MYCN: variants seen among roughly 807,000 people sequenced by gnomAD.
MYCN encodes the protein N-myc proto-oncogene protein.
MYCN carries 3 observed loss-of-function variants against 28.1 expected under a neutral mutation model. That is an observed-to-expected ratio of 0.11 (90% CI 0.05 to 0.28). The LOEUF is 0.28. Among genes scored for constraint, MYCN ranks in the 10% least tolerant of loss-of-function variants. The pLI is 1.00. For missense variants in MYCN, 572 were observed against 651.4 expected (o/e 0.88, Z 1.33); for synonymous variants, 326 against 288.3 (o/e 1.13, Z -1.32).
Position 15,942,926 on chromosome 2 carries a change from C to G in MYCN, c.790+72C>G. 2 of 1,504,140 alleles carry G rather than the reference C, an allele frequency of 1.3e-6. No individual in the cohort carries two copies. The highest frequency in any genetic ancestry group is 2.6e-5 in the East Asian group (1 of 39,100). The allele number at this position is 1,504,140 out of a possible 1,614,324, so 93.2% of individuals were successfully genotyped here. A position where few individuals can be genotyped will look rare whatever the true frequency, so the allele number is the denominator to read the frequency against. On this transcript the variant is annotated intron_variant, in intron 2 of 2. Coordinates refer to ENST00000281043, the MANE Select transcript of MYCN (RefSeq NM_005378.6). The surrounding 1 kb of genome is among the most constrained non-coding windows in gnomAD (Gnocchi z 7.0). ...CCGGGTCGCGTCCCCTTTGTTAGTGCTCGTATGTCTTGGCCTGGGGAGCAT... is the reference window on the plus strand; with the variant it reads ...CCGGGTCGCGTCCCCTTTGTTAGTGGTCGTATGTCTTGGCCTGGGGAGCAT...
intron 2 of MYCN, among the ~76,000 whole-genome samples, chr2:15,943,882 C>T (rs1036332021): frequency 6.6e-6 from 1 of 152,138 alleles, no homozygotes; most frequent in African/African-American, 2.4e-5. Flanking sequence ...CAGAACTCAA[C>T]CCAAAGAGTG....
At position 15,945,371 on chromosome 2, in the gene MYCN, A is replaced by G. The variant is rs554520137; in HGVS notation, c.791-122A>G. 1.1e-4 allele frequency: 134 copies of G among 1,172,188 alleles called. 1 individual carries two copies. The East Asian group carries it at 3.4e-3, about 30-fold the overall frequency. 72.6% of individuals were successfully genotyped at this position (1,172,188 alleles called of 1,614,324 possible). On this transcript the variant is annotated intron_variant, in intron 2 of 2. Transcript: ENST00000281043. This position sits in a 1 kb window ranked among gnomAD's most constrained non-coding sequence, Gnocchi z 4.8. ...TCCACATCTATGTTGATGGACCCAT[A>G]AAAATAGCAGTCTGCCAGGGTCTGC...
intron 1 of MYCN, chr2:15,940,963 G>A (rs1662632754): frequency 2.5e-6 from 1 of 393,640 alleles, no homozygotes. Context: ...TAATCCTTTT[G>A]CAGCCCTTAC....
chr2:15,942,368 C>A lies in MYCN; in HGVS notation c.304C>A (p.Leu102Met), dbSNP rs1258697242. 6.2e-7 allele frequency: 1 copy of A among 1,606,956 alleles called. No homozygotes were observed. Among genetic ancestry groups the A allele is most frequent in the Non-Finnish European group, 8.5e-7 (1 of 1,177,960 alleles). The change falls in exon 2 of 3, where the codon CTG becomes ATG. Residue 102 changes from leucine (L) to methionine (M), a missense_variant. Physicochemically the swap from Leu to Met is conservative, Grantham distance 15. Around this residue, in one of 3 missense-constraint regions of MYCN, gnomAD observed 499 missense variants for 524.3 expected, o/e 0.95. Transcript: ENST00000281043. The surrounding 1 kb of genome is among the most constrained non-coding windows in gnomAD (Gnocchi z 7.0). ...AEEDAFGLGG[L>M]GGLTPNPVIL... ...GGAGGACGCGTTCGGCCTGGGGGGACTGGGTGGCCTCACCCCCAACCCGGT... is the reference window on the plus strand; with the variant it reads ...GGAGGACGCGTTCGGCCTGGGGGGAATGGGTGGCCTCACCCCCAACCCGGT...
In MYCN at chr2:15,942,284, C is replaced by T. The variant is rs1378167054; in HGVS notation, c.220C>T (p.Pro74Ser). 1.1e-5 allele frequency: 17 copies of T among 1,611,118 alleles called. 1 individual carries two copies. Among genetic ancestry groups the T allele is most frequent in the Non-Finnish European group, 1.1e-5 (13 of 1,179,190 alleles). ...TGGCTTCGCGGAGCACAGCTCCGAGCCCCCGAGCTGGGTCACGGAGATGCT... is the reference window on the plus strand; with the variant it reads ...TGGCTTCGCGGAGCACAGCTCCGAGTCCCCGAGCTGGGTCACGGAGATGCT... ...SRGFAEHSSE[P>S]PSWVTEMLLE... Residue 74 changes from proline (P) to serine (S), a missense_variant, in exon 2 of 3, where the codon CCC (proline) becomes TCC (serine). Coordinates refer to ENST00000281043, the MANE Select transcript of MYCN (RefSeq NM_005378.6). This position sits in a 1 kb window ranked among gnomAD's most constrained non-coding sequence, Gnocchi z 7.0.
Position 15,941,956 on chromosome 2 carries a change from G to A in MYCN, c.-109G>A. The A allele has an allele frequency of 7.1e-7, 1 of 1,407,376 alleles. No individual in the cohort carries two copies. 87.2% of individuals were successfully genotyped at this position (1,407,376 alleles called of 1,614,324 possible). A position where few individuals can be genotyped will look rare whatever the true frequency, so the allele number is the denominator to read the frequency against. On this transcript the variant is annotated 5_prime_UTR_variant, in exon 2 of 3. Coordinates refer to ENST00000281043, the MANE Select transcript of MYCN (RefSeq NM_005378.6). This position sits in a 1 kb window ranked among gnomAD's most constrained non-coding sequence, Gnocchi z 4.8. ...GTGTCTGTCGGTTGCAGTGTTGGAGGTCGGCGCCGGCCCCCGCCTTCCGCG... is the reference window on the plus strand; with the variant it reads ...GTGTCTGTCGGTTGCAGTGTTGGAGATCGGCGCCGGCCCCCGCCTTCCGCG...
At chr2:15,940,816 C>A (rs990841132) in intron 1 of MYCN, 73 bp downstream of exon 1, 2 of 398,180 alleles carry the variant, frequency 5.0e-6, no homozygotes, top group African/African-American at 2.1e-5. Context: ...AAGCCCTGGA[C>A]GGGATTGCGA....
chr2:15,944,419 C>G (rs1028746064), intron 2 of MYCN, among the ~76,000 whole-genome samples: 1 of 152,160 alleles, frequency 6.6e-6, no homozygotes, highest in Non-Finnish European at 1.5e-5. Context: ...TTTATACCAA[C>G]TGTGGATTAT....
chr2:15,940,639 G>T lies in MYCN; in HGVS notation c.-222G>T. On this transcript the variant is annotated 5_prime_UTR_variant, in exon 1 of 3. Coordinates refer to ENST00000281043, the MANE Select transcript of MYCN (RefSeq NM_005378.6). ...GGAGCCGAGCAAGCGCTAGCCAGGC[G>T]CAAGCGCGCACAGACTGTAGCCATC... 2.5e-6 allele frequency: 1 copy of T among 400,378 alleles called. No homozygotes were observed. The highest frequency in any genetic ancestry group is 4.4e-6 in the Non-Finnish European group (1 of 226,236). 24.8% of individuals were successfully genotyped at this position (400,378 alleles called of 1,614,324 possible).
Position 15,946,192 on chromosome 2 carries a change from T to C in MYCN, c.*95T>C. The C allele has an allele frequency of 5.1e-6, 8 of 1,574,762 alleles. No individual in the cohort carries two copies. Among genetic ancestry groups the C allele is most frequent in the Non-Finnish European group, 6.1e-6 (7 of 1,150,940 alleles). On this transcript the variant is annotated 3_prime_UTR_variant, in exon 3 of 3. Coordinates refer to ENST00000281043, the MANE Select transcript of MYCN (RefSeq NM_005378.6). ...TTGACATTAAGAATGTTGGTTTACT[T>C]TCAAATCGGTCCCCTGTCGAGTTCG... is the stretch of plus-strand genomic sequence containing the variant.
intron 2 of MYCN, among the ~76,000 whole-genome samples, chr2:15,944,404 G>A (rs1662803500): frequency 6.6e-6 from 1 of 152,130 alleles, no homozygotes; most frequent in Non-Finnish European, 1.5e-5. Flanking sequence ...GCTCCCATTT[G>A]GGGGTTTATA....
At position 15,942,271 on chromosome 2, in the gene MYCN, G is replaced by A. The variant is rs41264199; in HGVS notation, c.207G>A (p.Glu69=). The A allele has an allele frequency of 3.3e-3, 5,285 of 1,611,890 alleles. 11 individuals are homozygous for A. The highest frequency in any genetic ancestry group is 4.0e-3 in the Non-Finnish European group (4,689 of 1,179,494). The change falls in exon 2 of 3, where the codon GAG becomes GAA. Residue 69 remains glutamate (E), a synonymous_variant. Transcript: ENST00000281043. This position sits in a 1 kb window ranked among gnomAD's most constrained non-coding sequence, Gnocchi z 7.0. ...TGTCGCCCAGCCGTGGCTTCGCGGA[G>A]CACAGCTCCGAGCCCCCGAGCTGGG... ...PPLSPSRGFA[E]HSSEPPSWVT...
chr2:15,945,836 G>A lies in MYCN; in HGVS notation c.1134G>A (p.Glu378=), dbSNP rs1415252945. 2.5e-6 allele frequency: 4 copies of A among 1,613,956 alleles called. No homozygotes were observed. Among genetic ancestry groups the A allele is most frequent in the Non-Finnish European group, 3.4e-6 (4 of 1,180,064 alleles). The change falls in exon 3 of 3, where the codon GAG becomes GAA. Residue 378 remains glutamate (E), a synonymous_variant. Coordinates refer to ENST00000281043, the MANE Select transcript of MYCN (RefSeq NM_005378.6). The surrounding 1 kb of genome is among the most constrained non-coding windows in gnomAD (Gnocchi z 4.8). ...KSLSPRNSDS[E]DSERRRNHNI... ...TGAGCCCCCGAAACTCTGACTCGGA[G>A]GACAGTGAGCGTCGCAGAAACCACA... is the stretch of plus-strand genomic sequence containing the variant.
rs548361248 is a variant in MYCN, at chr2:15,943,509, C to T, written c.790+655C>T. ...GGCCAGCAGGCGGCGATATGCGAGG[C>T]CAGCAGGCGGGCCCGGGATCTGAAA... On this transcript the variant is annotated intron_variant, in intron 2 of 2. Transcript: ENST00000281043. Among the ~76,000 whole-genome samples the T allele has an allele frequency of 2.0e-5, 3 of 151,172 alleles. No homozygotes were observed. In the South Asian group the frequency reaches 6.3e-4, roughly 32 times the overall value.
chr2:15,944,152 C>CT (rs571025958), intron 2 of MYCN, among the ~76,000 whole-genome samples: 53 of 152,288 alleles, frequency 3.5e-4, no homozygotes, highest in African/African-American at 1.2e-3. Flanking sequence ...AAAACATTGG[C>CT]TTAAAGGGAC....
In MYCN at chr2:15,941,249, C is replaced by G. The variant is rs1195239456; in HGVS notation, c.-118+506C>G. ...ATTCCCGGGAACAGGGGCTCAGCCT[C>G]TCCCTCCCTGGAAGAGGACGTTGTC... On this transcript the variant is annotated intron_variant, in intron 1 of 2. Transcript: ENST00000281043. The surrounding 1 kb of genome is among the most constrained non-coding windows in gnomAD (Gnocchi z 4.8). The G allele has an allele frequency of 6.5e-6, 1 of 152,700 alleles. No homozygotes were observed. Among genetic ancestry groups the G allele is most frequent in the Non-Finnish European group, 1.5e-5 (1 of 68,400 alleles). 9.5% of individuals were successfully genotyped at this position (152,700 alleles called of 1,614,324 possible). A position where few individuals can be genotyped will look rare whatever the true frequency, so the allele number is the denominator to read the frequency against.
At chr2:15,943,388 ATTCTTT>A (rs923663664) in intron 2 of MYCN, among the ~76,000 whole-genome samples, 6 of 142,854 alleles carry the variant, frequency 4.2e-5, no homozygotes, top group African/African-American at 8.0e-5. Flanking sequence ...CCGATTTTCT[ATTCTTT>A]TTCTTTTTCT....
Position 15,945,822 on chromosome 2 carries a change from A to G in MYCN, c.1120A>G (p.Asn374Asp). The G allele has an allele frequency of 6.2e-7, 1 of 1,613,990 alleles. No homozygotes were observed. The highest frequency in any genetic ancestry group is 8.5e-7 in the Non-Finnish European group (1 of 1,180,030). ...PPKAKSLSPRNSDSEDSERRR... is the reference protein window; with the variant it reads ...PPKAKSLSPRDSDSEDSERRR... ...AAAGGCTAAGAGCTTGAGCCCCCGA[A>G]ACTCTGACTCGGAGGACAGTGAGCG... Residue 374 changes from asparagine to aspartate, a missense_variant, in exon 3 of 3, where the codon AAC (asparagine) becomes GAC (aspartate). Physicochemically the swap from Asn to Asp is conservative, Grantham distance 23 (BLOSUM62 1). This residue lies in a region of MYCN where 12 missense variants were observed against 45.5 expected (regional missense o/e 0.26). Coordinates refer to ENST00000281043, the MANE Select transcript of MYCN (RefSeq NM_005378.6). The surrounding 1 kb of genome is among the most constrained non-coding windows in gnomAD (Gnocchi z 4.8).
At chr2:15,943,729 G>A (rs1192767112) in intron 2 of MYCN, among the ~76,000 whole-genome samples, 2 of 152,198 alleles carry the variant, frequency 1.3e-5, no homozygotes, top group African/African-American at 2.4e-5. Context: ...GCCCTTGAAG[G>A]TGAGGGCAGG....
Sources: gnomAD v4.1 joint callset for allele counts (sites outside exome capture counted in the v4.1 genomes callset) on GRCh38, gnomAD v4.1.1 for gene constraint, gnomAD v4.1.1 regional missense constraint, Gnocchi (gnomAD v3.1) non-coding constraint, MANE v1.5 for transcripts, NCBI Gene and HGNC (gene_info 2026-07-23, HGNC 2026-07-21) for gene names.